Variants in SMG1 observed in about 807,000 individuals in gnomAD.
The protein encoded by SMG1 is SMG1 nonsense mediated mRNA decay associated PI3K related kinase, also known as serine/threonine-protein kinase SMG1.
Under a neutral mutation model 419.9 loss-of-function variants are expected in SMG1, and 22 were observed. The ratio of observed to expected loss-of-function variants is 0.05; its 90% confidence interval spans 0.04 to 0.07. SMG1 has a LOEUF of 0.07. Ranked by LOEUF, SMG1 falls within the 10% of genes least tolerant of loss-of-function variation. The pLI is 1.00. For missense variants in SMG1, 3,185 were observed against 4,342.0 expected, an observed-to-expected ratio of 0.73 and a Z score of 7.49; for synonymous variants, 1,538 against 1,553.5, an observed-to-expected ratio of 0.99 and a Z score of 0.23.
At chr16:18,891,309 T>C (rs1230067969) in intron 4 of SMG1, among the ~76,000 whole-genome samples, 2 of 152,218 alleles carry the variant, frequency 1.3e-5, no homozygotes, top group Admixed American at 1.3e-4. Context: ...TGTCAAATTC[T>C]TTCAACTTGC....
chr16:18,840,025 A>G (rs2033824525), intron 41 of SMG1, 79 bp from the exon 42 acceptor site: 2 of 1,182,682 alleles, frequency 1.7e-6, no homozygotes. Context: ...TATGTAAAGT[A>G]GAATTTTTAA....
At chr16:18,909,523 A>AATC (rs980443904) in intron 1 of SMG1, among the ~76,000 whole-genome samples, 1 of 152,124 alleles carries the variant, frequency 6.6e-6, no homozygotes, top group African/African-American at 2.4e-5. Flanking sequence ...TAAAGAAAAA[A>AATC]ATCATCATCA....
intron 1 of SMG1, among the ~76,000 whole-genome samples, chr16:18,922,187 C>T (rs2038223487): frequency 1.3e-5 from 2 of 152,182 alleles, no homozygotes; most frequent in Non-Finnish European, 2.9e-5. Flanking sequence ...ACACATCATT[C>T]TGATCTCTGT....
At chr16:18,856,354 T>G (rs1399844632) in intron 29 of SMG1, 1 of 70,486 alleles carries the variant, frequency 1.4e-5, no homozygotes, top group Non-Finnish European at 3.1e-5. Flanking sequence ...TTTTTTTTTT[T>G]GAAATAGAGT....
intron 25 of SMG1, among the ~76,000 whole-genome samples, chr16:18,861,836 C>A (rs894141849): frequency 2.0e-5 from 3 of 152,160 alleles, no homozygotes; most frequent in African/African-American, 7.2e-5. Flanking sequence ...TCTACCCCTA[C>A]CCCCAATCCA....
chr16:18,839,964 T>G lies in SMG1; in HGVS notation c.6697-18A>C, dbSNP rs1349462222. ...TCTTGGGCCTTAAGAAAAAACAATT[T>G]TTTTAAAAAAGAAAAGATCAATTTT... On this transcript the variant is annotated intron_variant, in intron 41 of 62. Transcript: ENST00000446231. 1 of 1,514,050 alleles carries G rather than the reference T, an allele frequency of 6.6e-7. No individual in the cohort carries two copies. Among genetic ancestry groups the G allele is most frequent in the African/African-American group, 1.4e-5 (1 of 69,188 alleles). The allele number at this position is 1,514,050 out of a possible 1,614,324, so 93.8% of individuals were successfully genotyped here.
At chr16:18,871,893 C>G (rs1221498018) in intron 15 of SMG1, among the ~76,000 whole-genome samples, 1 of 150,788 alleles carries the variant, frequency 6.6e-6, no homozygotes, top group Non-Finnish European at 1.5e-5. Flanking sequence ...GAGCAAAACT[C>G]CGTCTCAAAA....
intron 1 of SMG1, among the ~76,000 whole-genome samples, chr16:18,906,360 G>C (rs1301578941): frequency 5.9e-5 from 9 of 152,126 alleles, no homozygotes; most frequent in Non-Finnish European, 1.0e-4. Context: ...GTGCGCACCT[G>C]TAATTCCAGC....
At chr16:18,873,763 T>C (rs1305890412) in intron 13 of SMG1, among the ~76,000 whole-genome samples, 1 of 152,140 alleles carries the variant, frequency 6.6e-6, no homozygotes, top group Non-Finnish European at 1.5e-5. Context: ...AGGTGCCCTG[T>C]TCAATAAGGA....
intron 56 of SMG1, among the ~76,000 whole-genome samples, chr16:18,818,254 G>A (rs994712691): frequency 7.9e-5 from 12 of 151,896 alleles, no homozygotes; most frequent in Non-Finnish European, 1.6e-4. Context: ...GCATGGTGGC[G>A]GGTGCCTGTA....
chr16:18,872,108 C>A, intron 15 of SMG1, 76 bp downstream of exon 15: 1 of 921,372 alleles, frequency 1.1e-6, no homozygotes, highest in South Asian at 2.5e-5. Flanking sequence ...TTTTTGTAAT[C>A]CACATTTCTT....
At position 18,830,320 on chromosome 16, in the gene SMG1, C is replaced by A. The variant is rs199727848; in HGVS notation, c.8842G>T (p.Val2948Phe). 2.1e-4 allele frequency: 344 copies of A among 1,613,984 alleles called. No homozygotes were observed. The highest frequency in any genetic ancestry group is 1.3e-4 in the Non-Finnish European group (155 of 1,179,886). The change falls in exon 52 of 63, where the codon GTT (valine) becomes TTT (phenylalanine). Residue 2948 changes from valine to phenylalanine, a missense_variant. This residue lies in a region of SMG1 where 737 missense variants were observed against 846.6 expected (regional missense o/e 0.87). Coordinates refer to ENST00000446231, the MANE Select transcript of SMG1 (RefSeq NM_015092.5). ...GELIQPRNGS[V>F]DETPKMSAGQ... The stretch of plus-strand genomic sequence containing the variant: ...GCTGACATTTTGGGTGTTTCATCAA[C>A]TGAACCATTTCTCGGTTGGATTAAT...
At chr16:18,901,520 C>A (rs1188442382) in intron 1 of SMG1, among the ~76,000 whole-genome samples, 1 of 152,108 alleles carries the variant, frequency 6.6e-6, no homozygotes, top group Non-Finnish European at 1.5e-5. Context: ...GGACTGTCAC[C>A]AATTTTTAAC....
chr16:18,904,860 G>A (rs1263496118), intron 1 of SMG1, among the ~76,000 whole-genome samples: 5 of 151,710 alleles, frequency 3.3e-5, no homozygotes, highest in East Asian at 1.9e-4. Context: ...GCTTGAATCC[G>A]GGAGGCGGAG....
At chr16:18,903,999 G>C (rs559563412) in intron 1 of SMG1, among the ~76,000 whole-genome samples, 1 of 140,206 alleles carries the variant, frequency 7.1e-6, no homozygotes, top group Non-Finnish European at 1.5e-5. Context: ...GTGCGGTGAC[G>C]TGATCTCGAC....
At chr16:18,884,367 T>C (rs1339807329) in intron 8 of SMG1, among the ~76,000 whole-genome samples, 200 bp from the exon 9 acceptor site, 2 of 152,236 alleles carry the variant, frequency 1.3e-5, no homozygotes, top group East Asian at 1.9e-4. Context: ...TTAATACCTC[T>C]TTAATTTCTG....
chr16:18,858,455 T>A, intron 28 of SMG1, 165 bp from the exon 29 acceptor site: 1 of 430,184 alleles, frequency 2.3e-6, no homozygotes, highest in Admixed American at 4.2e-5. Context: ...TATCTTCTAC[T>A]CACAAGAGGC....
Position 18,852,224 on chromosome 16 carries a change from C to T in SMG1, c.4914-19G>A, listed in dbSNP as rs2034643886. On this transcript the variant is annotated intron_variant, in intron 32 of 62. Transcript: ENST00000446231. ...TCCCTGACTATAAAAATAAACAAGT[C>T]ATCAGTATTTCAGCTACCCAAACTT... is the stretch of plus-strand genomic sequence containing the variant. 1 of 1,609,546 alleles carries T rather than the reference C, an allele frequency of 6.2e-7. No homozygotes were observed. Among genetic ancestry groups the T allele is most frequent in the African/African-American group, 1.3e-5 (1 of 74,780 alleles).
chr16:18,829,605 A>G lies in SMG1; in HGVS notation c.9284T>C (p.Ile3095Thr). ...TCCGAGGGCTTGGTTGGGTAGCCCTATCAAGAGCTGCCTCACAAAGTCAGC... is the reference window on the plus strand; with the variant it reads ...TCCGAGGGCTTGGTTGGGTAGCCCTGTCAAGAGCTGCCTCACAAAGTCAGC... The part of the protein sequence containing the change: ...FTADFVRQLL[I>T]GLPNQALGLT... Residue 3095 changes from isoleucine (I) to threonine (T), a missense_variant, in exon 54 of 63, where the codon ATA becomes ACA. Ile to Thr is a moderately conservative substitution (Grantham distance 89). This residue lies in a region of SMG1 where 737 missense variants were observed against 846.6 expected (regional missense o/e 0.87). Coordinates refer to ENST00000446231, the MANE Select transcript of SMG1 (RefSeq NM_015092.5). 3 of 1,614,002 alleles carry G rather than the reference A, an allele frequency of 1.9e-6. No individual in the cohort carries two copies. Among genetic ancestry groups the G allele is most frequent in the Non-Finnish European group, 2.5e-6 (3 of 1,179,890 alleles).
Sources: gnomAD v4.1 joint callset for allele counts (sites outside exome capture counted in the v4.1 genomes callset) on GRCh38, gnomAD v4.1.1 for gene constraint, gnomAD v4.1.1 regional missense constraint, MANE v1.5 for transcripts, NCBI Gene and HGNC (gene_info 2026-07-23, HGNC 2026-07-21) for gene names.